LRRIQ3: variants seen among roughly 807,000 people sequenced by gnomAD.
LRRIQ3 encodes the protein leucine-rich repeat and IQ domain-containing protein 3.
In LRRIQ3, 75 loss-of-function variants were observed where a neutral mutation model predicts 59.3. The ratio of observed to expected loss-of-function variants is 1.26; its 90% CI spans 1.05 to 1.53. LRRIQ3 has a LOEUF of 1.53. Among genes scored for constraint, LRRIQ3 ranks in the 40% most tolerant of loss-of-function variants. LRRIQ3 has a pLI of 0.00. For missense variants in LRRIQ3, 831 were observed against 710.0 expected (o/e 1.17, Z -1.94); for synonymous variants, 250 against 231.3 (o/e 1.08, Z -0.73).
At chr1:74,110,457 A>G (rs935314331) in intron 4 of LRRIQ3, among the ~76,000 whole-genome samples, 1 of 152,034 alleles carries the variant, frequency 6.6e-6, no homozygotes, top group African/African-American at 2.4e-5. Context: ...AAGTACACAC[A>G]GGAAAGTCAT....
At chr1:74,036,745 G>A (rs574380359) in intron 7 of LRRIQ3, among the ~76,000 whole-genome samples, 1 of 152,200 alleles carries the variant, frequency 6.6e-6, no homozygotes, top group East Asian at 1.9e-4. Context: ...AACTCTTCAA[G>A]AGCTAGAAAT....
At chr1:74,153,962 C>T (rs1287828120) in intron 4 of LRRIQ3, among the ~76,000 whole-genome samples, 8 of 152,056 alleles carry the variant, frequency 5.3e-5, no homozygotes, top group Non-Finnish European at 1.5e-5. Context: ...ATTTTTAAGG[C>T]TGGGCGCGGT....
intron 6 of LRRIQ3, chr1:74,050,595 A>G: frequency 1.0e-6 from 1 of 985,204 alleles, no homozygotes; most frequent in South Asian, 4.7e-5. Context: ...AATGGTCCAA[A>G]CCTATTTAAA....
intron 3 of LRRIQ3, among the ~76,000 whole-genome samples, chr1:74,177,096 C>T (rs1649688040): frequency 6.6e-6 from 1 of 152,136 alleles, no homozygotes; most frequent in Non-Finnish European, 1.5e-5. Flanking sequence ...GCTTCTGTTA[C>T]TTTTTTTAAT....
intron 6 of LRRIQ3, among the ~76,000 whole-genome samples, chr1:74,063,165 G>A (rs570729269): frequency 6.6e-6 from 1 of 151,476 alleles, no homozygotes; most frequent in South Asian, 2.1e-4. Flanking sequence ...ACGAGGAAGG[G>A]TGTTTCCTAA....
intron 5 of LRRIQ3, among the ~76,000 whole-genome samples, chr1:74,092,151 G>A (rs1320251513): frequency 1.3e-5 from 2 of 151,982 alleles, no homozygotes; most frequent in Non-Finnish European, 2.9e-5. Flanking sequence ...GGTGGAGTAA[G>A]TGCAGTCATT....
At chr1:74,114,974 C>T (rs1209329828) in intron 4 of LRRIQ3, among the ~76,000 whole-genome samples, 1 of 151,708 alleles carries the variant, frequency 6.6e-6, no homozygotes, top group Admixed American at 6.6e-5. Context: ...TTACATGGCT[C>T]CTATTTTAAA....
chr1:74,109,135 TA>T (rs1450132167), intron 5 of LRRIQ3: 2 of 219,770 alleles, frequency 9.1e-6, no homozygotes, highest in Non-Finnish European at 8.8e-6. Flanking sequence ...TTACTACTTG[TA>T]AAAACTAAAT....
chr1:74,075,609 T>C (rs1370575091), intron 5 of LRRIQ3, among the ~76,000 whole-genome samples: 2 of 151,710 alleles, frequency 1.3e-5, no homozygotes, highest in Non-Finnish European at 2.9e-5. Context: ...ATGGATCAGC[T>C]ATGTGTGGGA....
rs1020912408 is a variant in LRRIQ3 at position 74,063,900 on chromosome 1, G to A, written c.997+10761C>T. On this transcript the variant is annotated intron_variant, in intron 6 of 7. Coordinates refer to ENST00000354431, the MANE Select transcript of LRRIQ3 (RefSeq NM_001105659.2). ...ACATTTAATTTTATCTTGATATGGTGTGTGAACATTTTCTGTGGCACCATT... is the reference window on the plus strand; with the variant it reads ...ACATTTAATTTTATCTTGATATGGTATGTGAACATTTTCTGTGGCACCATT... Among the ~76,000 whole-genome samples, 4 of 151,666 alleles carry A rather than the reference G, an allele frequency of 2.6e-5. No homozygotes were observed. In the East Asian group the frequency reaches 5.8e-4, roughly 22 times the overall value.
chr1:74,149,503 T>C (rs1282792542), intron 4 of LRRIQ3, among the ~76,000 whole-genome samples: 2 of 152,202 alleles, frequency 1.3e-5, no homozygotes, highest in Non-Finnish European at 1.5e-5. Flanking sequence ...CTTACAGCAA[T>C]GTGCCTTTTT....
intron 6 of LRRIQ3, chr1:74,050,708 A>G (rs1330981929): frequency 4.5e-6 from 1 of 223,388 alleles, no homozygotes; most frequent in Non-Finnish European, 7.5e-6. Context: ...GCCTTATGTG[A>G]TACATAAGCT....
chr1:74,111,534 T>C (rs1042149199), intron 4 of LRRIQ3, among the ~76,000 whole-genome samples: 3 of 152,032 alleles, frequency 2.0e-5, no homozygotes, highest in Non-Finnish European at 4.4e-5. Flanking sequence ...AAGGATCATG[T>C]TGGGGAGATG....
At chr1:74,134,585 T>C (rs1647088471) in intron 4 of LRRIQ3, among the ~76,000 whole-genome samples, 1 of 151,722 alleles carries the variant, frequency 6.6e-6, no homozygotes, top group South Asian at 2.1e-4. Context: ...TTACCATATA[T>C]AGATGTAATA....
chr1:74,088,689 A>G (rs895886484), intron 5 of LRRIQ3, among the ~76,000 whole-genome samples: 1 of 151,980 alleles, frequency 6.6e-6, no homozygotes, highest in Admixed American at 6.6e-5. Context: ...TATAGGTCTA[A>G]ATATAAGAGC....
chr1:74,160,420 T>C (rs1173607420), intron 3 of LRRIQ3, among the ~76,000 whole-genome samples: 2 of 152,124 alleles, frequency 1.3e-5, no homozygotes, highest in Admixed American at 6.6e-5. Context: ...GATTAGAGAA[T>C]TGAACTTCAA....
chr1:74,100,397 A>G (rs1311947646), intron 5 of LRRIQ3, among the ~76,000 whole-genome samples: 1 of 151,984 alleles, frequency 6.6e-6, no homozygotes, highest in Non-Finnish European at 1.5e-5. Flanking sequence ...ACTGCTCAAC[A>G]AAATAAAAGA....
chr1:74,066,894 C>T (rs905579615), intron 6 of LRRIQ3, among the ~76,000 whole-genome samples: 11 of 152,058 alleles, frequency 7.2e-5, no homozygotes, highest in African/African-American at 2.7e-4. Flanking sequence ...TCTAGGGATG[C>T]TAAAGCAACG....
At chr1:74,138,218 T>C (rs2100629656) in intron 4 of LRRIQ3, among the ~76,000 whole-genome samples, 1 of 151,368 alleles carries the variant, frequency 6.6e-6, no homozygotes, top group African/African-American at 2.4e-5. Flanking sequence ...TAATGTGACC[T>C]GGATGTATGA....
Sources: allele counts gnomAD v4.1 joint callset (sites outside exome capture counted in the v4.1 genomes callset), GRCh38; gene constraint gnomAD v4.1.1; transcripts MANE v1.5; gene names NCBI Gene and HGNC (gene_info 2026-07-23, HGNC 2026-07-21).